WWOX: variants seen among roughly 807,000 people sequenced by gnomAD.
The protein encoded by WWOX is WW domain containing oxidoreductase.
A neutral mutation model predicts 46.2 loss-of-function variants in WWOX; 69 were observed. The ratio of observed to expected loss-of-function variants is 1.49; its 90% confidence interval spans 1.23 to 1.82. WWOX has a LOEUF of 1.82. Among genes scored for constraint, WWOX ranks in the 40% most tolerant of loss-of-function variants. The pLI is 0.00. For synonymous variants in WWOX, 359 were observed against 202.6 expected (o/e 1.77, Z -6.56); for missense variants, 919 against 542.6 (o/e 1.69, Z -6.89).
intron 8 of WWOX, among the ~76,000 whole-genome samples, chr16:78,601,745 T>G (rs1162988000): frequency 6.6e-6 from 1 of 152,138 alleles, no homozygotes; most frequent in African/African-American, 2.4e-5. Context: ...AAGGATTAAG[T>G]TAGGGAGACA....
At chr16:79,047,782 G>A (rs2048093571) in intron 8 of WWOX, among the ~76,000 whole-genome samples, 1 of 148,150 alleles carries the variant, frequency 6.7e-6, no homozygotes, top group Non-Finnish European at 1.5e-5. Context: ...GTGACTCTTG[G>A]TTGCGATCTG....
chr16:78,353,745 C>G (rs2081228403), intron 5 of WWOX, among the ~76,000 whole-genome samples: 3 of 151,780 alleles, frequency 2.0e-5, no homozygotes, highest in Non-Finnish European at 2.9e-5. Context: ...AGTGAGCAGG[C>G]TCACCTGCCT....
At chr16:78,116,316 C>T (rs1366782959) in intron 4 of WWOX, among the ~76,000 whole-genome samples, 1 of 152,156 alleles carries the variant, frequency 6.6e-6, no homozygotes, top group Non-Finnish European at 1.5e-5. Context: ...TTCCTTGAAG[C>T]TGCAGAAATA....
intron 8 of WWOX, among the ~76,000 whole-genome samples, chr16:78,640,369 G>A (rs1016859955): frequency 4.6e-5 from 7 of 151,082 alleles, no homozygotes; most frequent in South Asian, 2.1e-4. Flanking sequence ...CAAGTCGGCC[G>A]CTCTGAGCTA....
At chr16:78,128,959 A>T (rs766973257) in intron 4 of WWOX, among the ~76,000 whole-genome samples, 1 of 152,194 alleles carries the variant, frequency 6.6e-6, no homozygotes. Flanking sequence ...GGAAGTTTCA[A>T]TTCTAAGTTC....
intron 6 of WWOX, among the ~76,000 whole-genome samples, chr16:78,423,965 T>C (rs144686254): frequency 0.012 from 1,837 of 152,158 alleles, 27 homozygotes; most frequent in African/African-American, 0.042. Flanking sequence ...TAAGAAATTC[T>C]GTATCCTTAA....
chr16:79,043,759 A>G (rs1303282674), intron 8 of WWOX, among the ~76,000 whole-genome samples: 1 of 152,176 alleles, frequency 6.6e-6, no homozygotes, highest in African/African-American at 2.4e-5. Context: ...AAATGATATT[A>G]TCAGACACCT....
At chr16:78,767,879 A>G (rs896899701) in intron 8 of WWOX, among the ~76,000 whole-genome samples, 8 of 152,016 alleles carry the variant, frequency 5.3e-5, no homozygotes, top group Non-Finnish European at 8.8e-5. Flanking sequence ...TCCATTTTTG[A>G]TACTCACATG....
intron 8 of WWOX, among the ~76,000 whole-genome samples, chr16:79,195,757 A>T (rs2150818473): frequency 6.6e-6 from 1 of 152,320 alleles, no homozygotes; most frequent in East Asian, 1.9e-4. Flanking sequence ...GTTTTGGGGA[A>T]ACACTCCAGG....
chr16:78,182,315 A>T (rs7193455), intron 5 of WWOX, among the ~76,000 whole-genome samples: 112,591 of 151,896 alleles, frequency 0.74, 42,410 homozygotes, highest in African/African-American at 0.9. Context: ...AAGAAAAGAA[A>T]TGCTTGGGGC....
chr16:79,131,860 G>T (rs916953822), intron 8 of WWOX, among the ~76,000 whole-genome samples: 2 of 152,140 alleles, frequency 1.3e-5, no homozygotes, highest in African/African-American at 4.8e-5. Flanking sequence ...ATGGTGGAAG[G>T]CAAGGAGGAG....
At chr16:78,631,008 C>G (rs2046415720) in intron 8 of WWOX, among the ~76,000 whole-genome samples, 1 of 152,040 alleles carries the variant, frequency 6.6e-6, no homozygotes, top group Non-Finnish European at 1.5e-5. Flanking sequence ...CTTAAACAAT[C>G]CAACATAACC....
intron 5 of WWOX, among the ~76,000 whole-genome samples, chr16:78,334,669 C>A (rs1300779187): frequency 1.3e-5 from 2 of 151,888 alleles, no homozygotes; most frequent in Non-Finnish European, 2.9e-5. Context: ...TTAAATGACC[C>A]AGTTTCCACA....
chr16:78,129,335 G>C (rs565034709), intron 4 of WWOX, among the ~76,000 whole-genome samples: 3 of 152,248 alleles, frequency 2.0e-5, no homozygotes, highest in Non-Finnish European at 2.9e-5. Context: ...TTATTGGGAA[G>C]GTGTATTAAT....
chr16:78,514,103 C>G (rs1476527619), intron 8 of WWOX, among the ~76,000 whole-genome samples: 1 of 152,182 alleles, frequency 6.6e-6, no homozygotes, highest in African/African-American at 2.4e-5. Context: ...CCCATAAATA[C>G]TGCTCAAGCA....
chr16:79,208,710 G>C (rs1394590711), intron 8 of WWOX, among the ~76,000 whole-genome samples: 6 of 151,804 alleles, frequency 4.0e-5, no homozygotes, highest in Non-Finnish European at 8.8e-5. Flanking sequence ...TTTCACTAAT[G>C]TGCCTCAGTC....
chr16:78,113,220 G>C (rs2032594388), intron 3 of WWOX, among the ~76,000 whole-genome samples: 1 of 152,162 alleles, frequency 6.6e-6, no homozygotes, highest in Non-Finnish European at 1.5e-5. Context: ...TACTGAATCA[G>C]CACTGGGGTG....
At chr16:78,253,970 C>T (rs932928135) in intron 5 of WWOX, among the ~76,000 whole-genome samples, 7 of 152,130 alleles carry the variant, frequency 4.6e-5, no homozygotes, top group East Asian at 1.9e-4. Context: ...GGAAGCTCAT[C>T]GCATAGCTGC....
intron 8 of WWOX, among the ~76,000 whole-genome samples, chr16:79,163,593 GTTCAAGACTAGCC>G (rs2050529757): frequency 1.3e-5 from 2 of 152,168 alleles, no homozygotes; most frequent in African/African-American, 4.8e-5. Context: ...GAAGCCAGGA[GTTCAAGACTAGCC>G]TGCCCAAAAT....
Sources: allele counts gnomAD v4.1 joint callset (sites outside exome capture counted in the v4.1 genomes callset), GRCh38; gene constraint gnomAD v4.1.1; transcripts MANE v1.5; gene names NCBI Gene and HGNC (gene_info 2026-07-23, HGNC 2026-07-21).